PEX14: variants seen among roughly 807,000 people sequenced by gnomAD.
PEX14 encodes the protein peroxisomal membrane protein PEX14.
A neutral mutation model predicts 49.5 loss-of-function variants in PEX14; 15 were observed. The observed-to-expected ratio is 0.30, with a 90% confidence interval of 0.20 to 0.47. The LOEUF is 0.47. PEX14 is among the 20% of genes least tolerant of loss of function. The pLI, the probability that PEX14 is intolerant of heterozygous loss-of-function variation, is 1.00. For missense variants in PEX14, 398 were observed against 494.8 expected, an observed-to-expected ratio of 0.80 and a Z score of 1.86; for synonymous variants, 210 against 212.7, an observed-to-expected ratio of 0.99 and a Z score of 0.11.
chr1:10,579,980 A>C (rs192712270), intron 3 of PEX14, among the ~76,000 whole-genome samples: 31 of 152,120 alleles, frequency 2.0e-4, no homozygotes, highest in African/African-American at 7.0e-4. Flanking sequence ...TCTGGTTCAC[A>C]TGCCTCTGAC....
chr1:10,504,406 C>T (rs1451991205), intron 2 of PEX14, among the ~76,000 whole-genome samples: 1 of 152,212 alleles, frequency 6.6e-6, no homozygotes, highest in African/African-American at 2.4e-5. Flanking sequence ...CTCATAGCCC[C>T]CAGTGGAGCA....
At chr1:10,602,762 CAG>C (rs750717012) in intron 4 of PEX14, among the ~76,000 whole-genome samples, 2 of 152,184 alleles carry the variant, frequency 1.3e-5, no homozygotes, top group South Asian at 2.1e-4. Context: ...CAAGCAAACT[CAG>C]GGGAGTTTCT....
At chr1:10,553,881 C>T in intron 3 of PEX14, among the ~76,000 whole-genome samples, 1 of 152,166 alleles carries the variant, frequency 6.6e-6, no homozygotes, top group East Asian at 1.9e-4. Context: ...TTCAGGGCTT[C>T]CCTGCACACC....
In PEX14 at chr1:10,623,328, T is replaced by C. The variant is rs1380667708; in HGVS notation, c.487+207T>C. 3 of 544,044 alleles carry C rather than the reference T, an allele frequency of 5.5e-6. No homozygotes were observed. Among genetic ancestry groups the C allele is most frequent in the African/African-American group, 1.9e-5 (1 of 52,698 alleles). The allele number at this position is 544,044 out of a possible 1,614,324, so 33.7% of individuals were successfully genotyped here. The stretch of plus-strand genomic sequence containing the variant: ...TACTGTCGGCGCGGCCTCAATTAAT[T>C]ATGTTTTTACGGAAAGGCTCCCAAC... On this transcript the variant is annotated intron_variant, in intron 6 of 8. Coordinates refer to ENST00000356607, the MANE Select transcript of PEX14 (RefSeq NM_004565.3). This position sits in a 1 kb window ranked among gnomAD's most constrained non-coding sequence, Gnocchi z 4.4.
intron 1 of PEX14, among the ~76,000 whole-genome samples, chr1:10,489,762 GT>G (rs1641438459): frequency 6.6e-6 from 1 of 152,238 alleles, no homozygotes; most frequent in African/African-American, 2.4e-5. Context: ...TTCAACTTAA[GT>G]GGGTGGCGTG....
At chr1:10,554,133 C>CAAAAA (rs33963510) in intron 3 of PEX14, among the ~76,000 whole-genome samples, 1 of 111,084 alleles carries the variant, frequency 9.0e-6, no homozygotes, top group African/African-American at 3.5e-5. Flanking sequence ...ACTAAAAATA[C>CAAAAA]AAAAAAAAAA....
At chr1:10,592,526 G>A (rs1570319792) in intron 3 of PEX14, among the ~76,000 whole-genome samples, 1 of 152,128 alleles carries the variant, frequency 6.6e-6, no homozygotes, top group East Asian at 1.9e-4. Context: ...ACATAGAGGG[G>A]CAGCTCACTT....
intron 1 of PEX14, among the ~76,000 whole-genome samples, chr1:10,493,107 G>A (rs1315475251): frequency 6.6e-6 from 1 of 152,206 alleles, no homozygotes; most frequent in Non-Finnish European, 1.5e-5. Context: ...GCAGAAGTGG[G>A]CAATGTGGTG....
intron 4 of PEX14, among the ~76,000 whole-genome samples, chr1:10,617,816 T>C (rs1241682206): frequency 6.6e-6 from 1 of 151,786 alleles, no homozygotes; most frequent in East Asian, 1.9e-4. Context: ...GGCTGGGAGG[T>C]CTAGTTTACC....
chr1:10,521,357 G>A (rs748298739), intron 2 of PEX14, among the ~76,000 whole-genome samples: 2 of 152,100 alleles, frequency 1.3e-5, no homozygotes, highest in Non-Finnish European at 1.5e-5. Context: ...GGGGGTGCCC[G>A]TGGAGGCAGA....
At chr1:10,591,635 C>CTGTGTGTGTGTGTGTGTGTG (rs61635531) in intron 3 of PEX14, among the ~76,000 whole-genome samples, 1 of 139,648 alleles carries the variant, frequency 7.2e-6, no homozygotes, top group Non-Finnish European at 1.6e-5. Context: ...GGTATACACA[C>CTGTGTGTGTGTGTGTGTGTG]TGTGTGTGTG....
intron 3 of PEX14, among the ~76,000 whole-genome samples, chr1:10,590,536 G>A (rs1038984669): frequency 1.3e-5 from 2 of 152,120 alleles, no homozygotes; most frequent in Admixed American, 6.5e-5. Context: ...CTCATTCAAC[G>A]TAAGAAACTG....
intron 1 of PEX14, among the ~76,000 whole-genome samples, chr1:10,490,966 A>G (rs1363078964): frequency 6.7e-6 from 1 of 150,300 alleles, no homozygotes; most frequent in East Asian, 1.9e-4. Context: ...GGCCTCCCAA[A>G]GTGCTGGTGT....
rs70997260 is a variant in PEX14, at chr1:10,610,398, C to CACACACAT, written c.299-7933_299-7932insCACACATA. On this transcript the variant is annotated intron_variant, in intron 4 of 8. Transcript: ENST00000356607. ...ACACACACACACACACACACACACA[C>CACACACAT]ATATATATATACACAGAGAGAGAGA... 9.4e-3 allele frequency among the ~76,000 whole-genome samples: 1,326 copies of CACACACAT among 140,594 alleles called. 9 individuals are homozygous for CACACACAT. The highest frequency in any genetic ancestry group is 0.039 in the East Asian group (193 of 4,902). The allele number at this position is 140,594 out of a possible 152,430, so 92.2% of individuals were successfully genotyped here.
intron 2 of PEX14, among the ~76,000 whole-genome samples, chr1:10,505,559 A>G (rs1414453472): frequency 6.6e-6 from 1 of 151,804 alleles, no homozygotes; most frequent in African/African-American, 2.4e-5. Context: ...TTAAATTTTT[A>G]TAGAGACAGG....
intron 4 of PEX14, among the ~76,000 whole-genome samples, chr1:10,616,163 G>T (rs1641409779): frequency 6.6e-6 from 1 of 152,132 alleles, no homozygotes; most frequent in Non-Finnish European, 1.5e-5. Flanking sequence ...TGCCCCCTGA[G>T]AGTGCCATTC....
rs755609545 is a variant in PEX14 at position 10,624,340 on chromosome 1, T to G, written c.488T>G (p.Val163Gly). Residue 163 changes from valine to glycine, a missense_variant and splice_region_variant, in exon 7 of 9, where the codon GTG becomes GGG. By Grantham distance (109) the Val-to-Gly change is moderately radical. Around this residue, in one of 3 missense-constraint regions of PEX14, gnomAD observed 202 missense variants for 298.5 expected, o/e 0.68. Coordinates refer to ENST00000356607, the MANE Select transcript of PEX14 (RefSeq NM_004565.3). The part of the protein sequence containing the change: ...SELSGSVAQT[V>G]TQLQTTLASV... ...CGCCGTGACTGCTTTCTCCTCGCAG[T>G]GACTCAGTTACAGACGACCCTCGCC... is the stretch of plus-strand genomic sequence containing the variant. 1.2e-6 allele frequency: 2 copies of G among 1,606,080 alleles called. No individual in the cohort carries two copies. Among genetic ancestry groups the G allele is most frequent in the South Asian group, 2.2e-5 (2 of 90,900 alleles).
intron 3 of PEX14, among the ~76,000 whole-genome samples, chr1:10,572,688 C>A (rs1033368526): frequency 2.7e-5 from 4 of 148,260 alleles, no homozygotes; most frequent in African/African-American, 4.9e-5. Context: ...GCGCCCCCCC[C>A]ACCACGCCCA....
chr1:10,489,487 C>G (rs964795570), intron 1 of PEX14, among the ~76,000 whole-genome samples: 3 of 152,166 alleles, frequency 2.0e-5, no homozygotes, highest in Non-Finnish European at 4.4e-5. Context: ...GACCTCTGGT[C>G]TCTCCTGAAT....
Sources: allele counts gnomAD v4.1 joint callset (sites outside exome capture counted in the v4.1 genomes callset), GRCh38; gene constraint gnomAD v4.1.1; regional missense constraint gnomAD v4.1.1; non-coding constraint Gnocchi (gnomAD v3.1); transcripts MANE v1.5; gene names NCBI Gene and HGNC (gene_info 2026-07-23, HGNC 2026-07-21).